Variants in RBFOX1 observed in about 807,000 individuals in gnomAD.
RBFOX1 encodes RNA binding protein fox-1 homolog 1.
A neutral mutation model predicts 57.7 loss-of-function variants in RBFOX1; 8 were observed. The ratio of observed to expected loss-of-function variants is 0.14; its 90% CI spans 0.08 to 0.25. RBFOX1 has a LOEUF of 0.25. Among genes scored for constraint, RBFOX1 ranks in the 10% least tolerant of loss-of-function variants. The pLI, the probability that RBFOX1 is intolerant of heterozygous loss-of-function variation, is 1.00. For synonymous variants in RBFOX1, 326 were observed against 222.4 expected, an observed-to-expected ratio of 1.47 and a Z score of -4.15; for missense variants, 611 against 548.5, an observed-to-expected ratio of 1.11 and a Z score of -1.14.
chr16:6,368,305 G>A (rs1232369992), intron 2 of RBFOX1, among the ~76,000 whole-genome samples: 1 of 152,154 alleles, frequency 6.6e-6, no homozygotes, highest in East Asian at 1.9e-4. Context: ...AGCTCAGCCT[G>A]CCCCAAACCC....
intron 4 of RBFOX1, among the ~76,000 whole-genome samples, chr16:7,486,385 C>T (rs2151386488): frequency 1.3e-5 from 2 of 151,982 alleles, no homozygotes; most frequent in South Asian, 4.2e-4. Context: ...CACCCTGTCC[C>T]CCGGCTTCCC....
chr16:6,839,143 C>G (rs879396051), intron 3 of RBFOX1, among the ~76,000 whole-genome samples: 2 of 152,002 alleles, frequency 1.3e-5, no homozygotes, highest in Non-Finnish European at 2.9e-5. Flanking sequence ...CACCACCACA[C>G]CCAGCTAATT....
chr16:7,680,549 T>C (rs1316802171), intron 14 of RBFOX1, among the ~76,000 whole-genome samples: 1 of 152,158 alleles, frequency 6.6e-6, no homozygotes, highest in African/African-American at 2.4e-5. Flanking sequence ...ATTACACTGA[T>C]AGTTACCAGG....
chr16:6,366,019 ATTCTAAC>A (rs2089538142), intron 2 of RBFOX1, among the ~76,000 whole-genome samples: 1 of 151,092 alleles, frequency 6.6e-6, no homozygotes, highest in Non-Finnish European at 1.5e-5. Context: ...TAGAAGCCAC[ATTCTAAC>A]TTCTTTGGCT....
intron 4 of RBFOX1, among the ~76,000 whole-genome samples, chr16:7,175,545 C>T (rs553330176): frequency 2.6e-5 from 4 of 152,230 alleles, no homozygotes; most frequent in African/African-American, 7.2e-5. Context: ...GAACATGCCA[C>T]AGGTAGGCAC....
intron 1 of RBFOX1, among the ~76,000 whole-genome samples, chr16:6,116,916 G>A (rs953263755): frequency 6.6e-6 from 1 of 152,134 alleles, no homozygotes; most frequent in Admixed American, 6.5e-5. Flanking sequence ...GACAGAGGGA[G>A]AGAGATGCTG....
chr16:5,943,114 C>G (rs2059314449), intron 4 of RBFOX1, among the ~76,000 whole-genome samples: 1 of 152,200 alleles, frequency 6.6e-6, no homozygotes, highest in Non-Finnish European at 1.5e-5. Flanking sequence ...TGTCCCTGGA[C>G]CTCAGCACCC....
At chr16:6,975,748 C>G (rs1453966452) in intron 3 of RBFOX1, among the ~76,000 whole-genome samples, 1 of 152,188 alleles carries the variant, frequency 6.6e-6, no homozygotes, top group African/African-American at 2.4e-5. Context: ...AAGTTTTCTA[C>G]TCCTATGACC....
intron 3 of RBFOX1, among the ~76,000 whole-genome samples, chr16:5,771,597 T>C (rs528514611): frequency 9.2e-5 from 14 of 152,192 alleles, no homozygotes; most frequent in African/African-American, 3.1e-4. Context: ...TTAGCAGAGA[T>C]GGGGTTTCAC....
At chr16:5,410,181 T>C (rs573741190) in intron 1 of RBFOX1, among the ~76,000 whole-genome samples, 86 of 151,712 alleles carry the variant, frequency 5.7e-4, no homozygotes, top group Admixed American at 2.8e-3. Context: ...CTGGGCAACA[T>C]TGCAAGACAC....
At chr16:6,138,451 A>G (rs1018751274) in intron 1 of RBFOX1, among the ~76,000 whole-genome samples, 2 of 152,174 alleles carry the variant, frequency 1.3e-5, no homozygotes, top group Non-Finnish European at 2.9e-5. Context: ...TTCCCTGCTC[A>G]TATGGTAACA....
At chr16:6,419,536 A>G (rs1250550687) in intron 2 of RBFOX1, among the ~76,000 whole-genome samples, 1 of 152,208 alleles carries the variant, frequency 6.6e-6, no homozygotes, top group Non-Finnish European at 1.5e-5. Context: ...TTCCGGAACC[A>G]GATTCCTAAG....
intron 2 of RBFOX1, among the ~76,000 whole-genome samples, chr16:6,609,932 C>T (rs1363396988): frequency 1.3e-5 from 2 of 151,988 alleles, no homozygotes; most frequent in African/African-American, 4.8e-5. Flanking sequence ...TGCTTGAACC[C>T]AGGAGGTGGA....
At chr16:5,468,190 G>A (rs2069013127) in intron 2 of RBFOX1, among the ~76,000 whole-genome samples, 1 of 152,176 alleles carries the variant, frequency 6.6e-6, no homozygotes, top group Admixed American at 6.5e-5. Flanking sequence ...TTGTGTTGAG[G>A]TGAAATTCAC....
At chr16:6,979,551 C>G (rs991818981) in intron 3 of RBFOX1, among the ~76,000 whole-genome samples, 1 of 152,134 alleles carries the variant, frequency 6.6e-6, no homozygotes, top group South Asian at 2.1e-4. Flanking sequence ...TACAGCAATG[C>G]TTTTGCAAAA....
chr16:7,170,867 C>T lies in RBFOX1; in HGVS notation c.27+118769C>T, dbSNP rs527236437. On this transcript the variant is annotated intron_variant, in intron 4 of 15. Transcript: ENST00000550418. ...CTTAAATCCTCTGCTGTCTGCTCTGCGCAGTTGAGGGTTTCATCAAAACGT... is the reference window on the plus strand; with the variant it reads ...CTTAAATCCTCTGCTGTCTGCTCTGTGCAGTTGAGGGTTTCATCAAAACGT... 2.2e-4 allele frequency among the ~76,000 whole-genome samples: 34 copies of T among 152,278 alleles called. 1 individual carries two copies. In the South Asian group the frequency reaches 5.8e-3, roughly 26 times the overall value.
intron 4 of RBFOX1, among the ~76,000 whole-genome samples, chr16:7,504,752 TATTTATATATA>T: frequency 1.6e-4 from 1 of 6,140 alleles, no homozygotes. Context: ...TATATATATA[TATTTATATATA>T]TATATATTTA....
intron 3 of RBFOX1, among the ~76,000 whole-genome samples, chr16:6,663,861 C>A (rs559929491): frequency 6.6e-6 from 1 of 152,304 alleles, no homozygotes; most frequent in East Asian, 1.9e-4. Context: ...GGAGGTTGAG[C>A]ATGGCATGAC....
At chr16:6,464,969 G>A (rs2095010272) in intron 2 of RBFOX1, among the ~76,000 whole-genome samples, 1 of 152,202 alleles carries the variant, frequency 6.6e-6, no homozygotes, top group African/African-American at 2.4e-5. Context: ...TCACTTACTA[G>A]CTCAGGTGAG....
Sources: gnomAD v4.1 joint callset for allele counts (sites outside exome capture counted in the v4.1 genomes callset) on GRCh38, gnomAD v4.1.1 for gene constraint, MANE v1.5 for transcripts, NCBI Gene and HGNC (gene_info 2026-07-23, HGNC 2026-07-21) for gene names.